ACACA: variants seen among roughly 807,000 people sequenced by gnomAD.
ACACA encodes the protein acetyl-CoA carboxylase 1.
A neutral mutation model predicts 296.1 loss-of-function variants in ACACA; 103 were observed. That is an observed-to-expected ratio of 0.35 (90% CI 0.30 to 0.41). ACACA has a LOEUF of 0.41. Ranked by LOEUF, ACACA falls within the 10% of genes least tolerant of loss-of-function variation. The probability of loss-of-function intolerance (pLI) is 1.00; values close to 1 mark genes in which losing one functional copy is unlikely to be tolerated. For synonymous variants in ACACA, 953 were observed against 1,038.6 expected, an observed-to-expected ratio of 0.92 and a Z score of 1.58; for missense variants, 1,554 against 2,989.7, an observed-to-expected ratio of 0.52 and a Z score of 11.20.
chr17:37,147,643 A>G (rs2075869894), intron 45 of ACACA, among the ~76,000 whole-genome samples: 1 of 152,192 alleles, frequency 6.6e-6, no homozygotes, highest in Admixed American at 6.5e-5. Context: ...ACTTAAGAGG[A>G]GCTGACATGA....
At chr17:37,278,803 AT>A (rs1253583104) in intron 5 of ACACA, among the ~76,000 whole-genome samples, 1 of 152,162 alleles carries the variant, frequency 6.6e-6, no homozygotes, top group Non-Finnish European at 1.5e-5. Flanking sequence ...TTATAAATTT[AT>A]TTTAGCTTTC....
At chr17:37,391,902 C>A in intron 1 of ACACA, 1 of 615,862 alleles carries the variant, frequency 1.6e-6, no homozygotes. Flanking sequence ...ATGCCCCTAT[C>A]TGAGCCACAA....
At chr17:37,358,521 C>CA (rs1272383159) in intron 1 of ACACA, among the ~76,000 whole-genome samples, 3 of 152,222 alleles carry the variant, frequency 2.0e-5, no homozygotes, top group African/African-American at 7.2e-5. Flanking sequence ...GTGAGGTCTG[C>CA]ACCCCACACC....
intron 52 of ACACA, among the ~76,000 whole-genome samples, chr17:37,110,244 C>G (rs533790472): frequency 6.6e-6 from 1 of 152,340 alleles, no homozygotes; most frequent in East Asian, 1.9e-4. Flanking sequence ...AAGTGAGATG[C>G]TTATCAGTGG....
rs529619003 is a variant in ACACA at position 37,278,724 on chromosome 17, A to G, written c.611-719T>C. The stretch of plus-strand genomic sequence containing the variant: ...ATTATCTCATTTAATTCTCTCATCA[A>G]CCCAATATGTGACAGAAAATGATGG... On this transcript the variant is annotated intron_variant, in intron 5 of 55. Transcript: ENST00000616317. Among the ~76,000 whole-genome samples the G allele has an allele frequency of 3.9e-5, 6 of 152,260 alleles. No individual in the cohort carries two copies. In the East Asian group the frequency reaches 1.2e-3, roughly 29 times the overall value.
chr17:37,187,277 T>C (rs2077574369), intron 39 of ACACA, among the ~76,000 whole-genome samples: 1 of 152,192 alleles, frequency 6.6e-6, no homozygotes, highest in African/African-American at 2.4e-5. Flanking sequence ...TAAAAATTCA[T>C]CTTCAAAAGA....
At chr17:37,157,614 C>A (rs895283205) in intron 42 of ACACA, among the ~76,000 whole-genome samples, 4 of 143,356 alleles carry the variant, frequency 2.8e-5, no homozygotes, top group African/African-American at 1.1e-4. Flanking sequence ...TGACTCACTG[C>A]AACCTCTGCC....
chr17:37,376,108 G>A (rs1174863273), intron 1 of ACACA: 8 of 1,613,106 alleles, frequency 5.0e-6, no homozygotes, highest in African/African-American at 4.0e-5. Flanking sequence ...TACCATCTTG[G>A]TCTTCAGCCT....
chr17:37,131,438 C>T (rs1225226253), intron 45 of ACACA, among the ~76,000 whole-genome samples: 1 of 152,058 alleles, frequency 6.6e-6, no homozygotes, highest in African/African-American at 2.4e-5. Flanking sequence ...AAGGTAGCCC[C>T]GGAGAGCTCT....
At chr17:37,263,947 T>A in intron 10 of ACACA, 53 bp from the exon 11 acceptor site, 6 of 1,478,592 alleles carry the variant, frequency 4.1e-6, no homozygotes, top group Non-Finnish European at 5.6e-6. Flanking sequence ...TTAAACTTTT[T>A]ATCTATCTTG....
chr17:37,178,461 T>C (rs1331242392), intron 41 of ACACA, among the ~76,000 whole-genome samples: 1 of 152,190 alleles, frequency 6.6e-6, no homozygotes, highest in East Asian at 1.9e-4. Flanking sequence ...TTTATTAATA[T>C]GAATCCAAAT....
chr17:37,290,382 AT>A (rs2082990576), intron 3 of ACACA, among the ~76,000 whole-genome samples: 1 of 152,134 alleles, frequency 6.6e-6, no homozygotes. Flanking sequence ...ATTATTATTT[AT>A]TAATTATTGA....
intron 41 of ACACA, among the ~76,000 whole-genome samples, chr17:37,174,463 C>T (rs2077031816): frequency 6.6e-6 from 1 of 152,126 alleles, no homozygotes; most frequent in African/African-American, 2.4e-5. Context: ...AGGCTCAGAG[C>T]TACCACAATT....
chr17:37,236,392 G>A lies in ACACA; in HGVS notation c.3122-1293C>T, dbSNP rs146998912. 1.3e-3 allele frequency among the ~76,000 whole-genome samples: 202 copies of A among 152,074 alleles called. 2 individuals carry two copies. Among genetic ancestry groups the A allele is most frequent in the Middle Eastern group, 3.4e-3 (1 of 290 alleles). ...TGAAGTGACAACACAAATAAACTTT[G>A]GCAATAGGACCAGGGGAAATAAAAA... On this transcript the variant is annotated intron_variant, in intron 24 of 55. Coordinates refer to ENST00000616317, the MANE Select transcript of ACACA (RefSeq NM_198834.3).
At chr17:37,261,018 G>C (rs1479534022) in intron 11 of ACACA, among the ~76,000 whole-genome samples, 1 of 152,128 alleles carries the variant, frequency 6.6e-6, no homozygotes, top group East Asian at 1.9e-4. Context: ...TTAGCAAAAG[G>C]GTAGTGGGTA....
rs1199763548 is a variant in ACACA at position 37,275,957 on chromosome 17, C to T, written c.895G>A (p.Gly299Ser). ...TAGIPTLPWSGSGLRVDWQEN... is the reference protein window; with the variant it reads ...TAGIPTLPWSSSGLRVDWQEN... ...ACAAGAATTCAGTTCTTACCACTGC[C>T]GCTCCAGGGAAGAGTTGGGATACCT... Residue 299 changes from glycine to serine, a missense_variant, in exon 8 of 56, where the codon GGC becomes AGC. Around this residue, in one of 16 missense-constraint regions of ACACA, gnomAD observed 47 missense variants for 55.4 expected, o/e 0.85. Coordinates refer to ENST00000616317, the MANE Select transcript of ACACA (RefSeq NM_198834.3). The T allele has an allele frequency of 1.2e-6, 2 of 1,613,682 alleles. No homozygotes were observed. The highest frequency in any genetic ancestry group is 1.7e-6 in the Non-Finnish European group (2 of 1,179,564).
intron 52 of ACACA, among the ~76,000 whole-genome samples, chr17:37,100,745 T>C (rs1264111437): frequency 6.6e-6 from 1 of 152,078 alleles, no homozygotes; most frequent in Non-Finnish European, 1.5e-5. Flanking sequence ...ATAAATGTAT[T>C]GTGGTTATGT....
intron 10 of ACACA, 76 bp from the exon 11 acceptor site, chr17:37,263,970 GA>G (rs2081631126): frequency 4.9e-6 from 6 of 1,219,668 alleles, no homozygotes; most frequent in Non-Finnish European, 7.1e-6. Flanking sequence ...AAGCTACTTT[GA>G]TTTCAACAAG....
chr17:37,244,843 A>C, intron 20 of ACACA, 109 bp from the exon 21 acceptor site: 1 of 1,483,324 alleles, frequency 6.7e-7, no homozygotes, highest in Non-Finnish European at 9.4e-7. Flanking sequence ...ATACCCAGCT[A>C]CCAGGAGGGA....
Sources: gnomAD v4.1 joint callset for allele counts (sites outside exome capture counted in the v4.1 genomes callset) on GRCh38, gnomAD v4.1.1 for gene constraint, gnomAD v4.1.1 regional missense constraint, MANE v1.5 for transcripts, NCBI Gene and HGNC (gene_info 2026-07-23, HGNC 2026-07-21) for gene names.